Variants in PLCE1 observed in about 807,000 individuals in gnomAD.
PLCE1 encodes the protein 1-phosphatidylinositol 4,5-bisphosphate phosphodiesterase epsilon-1.
PLCE1 carries 119 observed loss-of-function variants against 242.8 expected under a neutral mutation model. That is an observed-to-expected ratio of 0.49 (90% CI 0.42 to 0.57). The LOEUF (loss-of-function observed/expected upper bound fraction) is 0.57. Among genes scored for constraint, PLCE1 ranks in the 20% least tolerant of loss-of-function variants. PLCE1 has a pLI of 0.00. For missense variants in PLCE1, 2,441 were observed against 2,788.8 expected (o/e 0.88, Z 2.81); for synonymous variants, 945 against 1,017.4 (o/e 0.93, Z 1.35).
At chr10:94,098,575 G>A (rs910888456) in intron 2 of PLCE1, among the ~76,000 whole-genome samples, 1 of 152,098 alleles carries the variant, frequency 6.6e-6, no homozygotes, top group Non-Finnish European at 1.5e-5. Context: ...TTAATATTTG[G>A]TTTTTGGAAC....
At chr10:94,043,515 A>G (rs1196389580) in intron 2 of PLCE1, among the ~76,000 whole-genome samples, 4 of 152,154 alleles carry the variant, frequency 2.6e-5, no homozygotes, top group African/African-American at 7.2e-5. Context: ...GTGACACTTT[A>G]ATAGTGAGTG....
At chr10:94,098,911 A>G (rs2045414061) in intron 2 of PLCE1, among the ~76,000 whole-genome samples, 1 of 152,192 alleles carries the variant, frequency 6.6e-6, no homozygotes, top group Non-Finnish European at 1.5e-5. Flanking sequence ...AGGCTGTGCA[A>G]GGGCAGCAAG....
intron 2 of PLCE1, among the ~76,000 whole-genome samples, chr10:94,075,999 G>A (rs573796835): frequency 6.6e-6 from 1 of 152,176 alleles, no homozygotes; most frequent in East Asian, 1.9e-4. Flanking sequence ...TACTTTACAG[G>A]AGAGGAAATG....
rs191843521 is a variant in PLCE1, at chr10:94,084,587, A to G, written c.1207-47587A>G. Among the ~76,000 whole-genome samples the G allele has an allele frequency of 1.5e-3, 227 of 152,370 alleles. 1 individual carries two copies. Among genetic ancestry groups the G allele is most frequent in the Non-Finnish European group, 2.8e-3 (190 of 68,038 alleles). On this transcript the variant is annotated intron_variant, in intron 2 of 32. Transcript: ENST00000371380. ...CTCAGGGCCCTTGTAAGTCTGGGCC[A>G]TTGGAAAGATGTCTCCGCATCTTTC...
At chr10:94,077,168 C>T (rs2044528805) in intron 2 of PLCE1, among the ~76,000 whole-genome samples, 1 of 152,182 alleles carries the variant, frequency 6.6e-6, no homozygotes, top group South Asian at 2.1e-4. Context: ...GTGATTCGCT[C>T]TGGTGTTTCC....
intron 3 of PLCE1, among the ~76,000 whole-genome samples, chr10:94,157,012 G>T (rs560504044): frequency 2.6e-5 from 4 of 152,002 alleles, no homozygotes; most frequent in East Asian, 3.8e-4. Context: ...GTGTTTTTTG[G>T]GGGGCGAGGT....
rs17109877 is a variant in PLCE1, at chr10:94,268,347, C to G, written c.4282-582C>G. The stretch of plus-strand genomic sequence containing the variant: ...ATTTATGGATTATTTGCCATCCCTG[C>G]TCTAGTTGCTATTCTGGAATTAGAT... On this transcript the variant is annotated intron_variant, in intron 16 of 32. Transcript: ENST00000371380. Among the ~76,000 whole-genome samples the G allele has an allele frequency of 6.9e-3, 1,046 of 152,326 alleles. 21 individuals carry two copies. The highest frequency in any genetic ancestry group is 0.043 in the Admixed American group (653 of 15,304).
At chr10:94,223,649 G>A (rs199894024) in intron 4 of PLCE1, among the ~76,000 whole-genome samples, 1 of 152,244 alleles carries the variant, frequency 6.6e-6, no homozygotes, top group East Asian at 1.9e-4. Context: ...CATGGTCCAG[G>A]GGGTTATGAT....
chr10:94,089,125 G>T, intron 2 of PLCE1: 1 of 1,614,012 alleles, frequency 6.2e-7, no homozygotes, highest in Non-Finnish European at 8.5e-7. Context: ...AGCAGGAAGA[G>T]ACTTTGCAGG....
chr10:94,137,783 T>G (rs2046831967), intron 3 of PLCE1: 1 of 195,352 alleles, frequency 5.1e-6, no homozygotes, highest in Non-Finnish European at 1.0e-5. Flanking sequence ...GAGGAAAGTC[T>G]GTTACTACCA....
At position 94,088,926 on chromosome 10, in the gene PLCE1, T is replaced by G. The variant is rs568993327; in HGVS notation, c.1207-43248T>G. 1.8e-4 allele frequency: 100 copies of G among 553,028 alleles called. 1 individual carries two copies. Among genetic ancestry groups the G allele is most frequent in the Non-Finnish European group, 2.6e-4 (87 of 337,948 alleles). 34.3% of individuals were successfully genotyped at this position (553,028 alleles called of 1,614,324 possible). On this transcript the variant is annotated intron_variant, in intron 2 of 32. Transcript: ENST00000371380. ...ATTTTTTTGTAATGTAGAAAAGTTA[T>G]GTTTCACAGAGGTTTTTGCAATGCC...
chr10:94,078,775 G>A (rs571938078), intron 2 of PLCE1, among the ~76,000 whole-genome samples: 2 of 152,308 alleles, frequency 1.3e-5, no homozygotes, highest in African/African-American at 2.4e-5. Context: ...GAGCCACCAT[G>A]TGTGGCCTGC....
chr10:94,066,059 A>G (rs572460723), intron 2 of PLCE1, among the ~76,000 whole-genome samples: 57 of 152,258 alleles, frequency 3.7e-4, no homozygotes, highest in African/African-American at 1.3e-3. Context: ...TCTATAAAAC[A>G]ATCTATACTC....
In PLCE1 at chr10:94,242,929, G is replaced by A. The variant is rs191857638; in HGVS notation, c.2421-3017G>A. ...TGTAAATGATAAATAAACAAATGGG[G>A]GAGAAGAGATCCATCTTTTGTGCAA... is the stretch of plus-strand genomic sequence containing the variant. On this transcript the variant is annotated intron_variant, in intron 7 of 32. Transcript: ENST00000371380. Among the ~76,000 whole-genome samples the A allele has an allele frequency of 3.3e-5, 5 of 152,286 alleles. No homozygotes were observed. In the East Asian group the frequency reaches 7.7e-4, roughly 23 times the overall value.
At chr10:94,259,187 A>G (rs1415716428) in intron 13 of PLCE1, 37 bp downstream of exon 13, 6 of 1,610,066 alleles carry the variant, frequency 3.7e-6, no homozygotes, top group East Asian at 4.5e-5. Context: ...TTTGGGATCA[A>G]TCTGTCTAAA....
At chr10:94,273,429 C>T (rs1299312307) in intron 18 of PLCE1, 133 bp from the exon 19 acceptor site, 1 of 879,910 alleles carries the variant, frequency 1.1e-6, no homozygotes, top group Non-Finnish European at 1.8e-6. Flanking sequence ...CAGCTTCTTT[C>T]CTAGTTCCTC....
At chr10:94,042,454 G>A (rs1003687352) in intron 2 of PLCE1, among the ~76,000 whole-genome samples, 1 of 152,152 alleles carries the variant, frequency 6.6e-6, no homozygotes, top group African/African-American at 2.4e-5. Context: ...TTGAACCCAG[G>A]TCTGGCTACC....
At chr10:94,241,980 A>G (rs1050307181) in intron 7 of PLCE1, among the ~76,000 whole-genome samples, 3 of 152,148 alleles carry the variant, frequency 2.0e-5, no homozygotes, top group African/African-American at 7.2e-5. Context: ...CCATTATTCT[A>G]TGAGATGAGC....
At chr10:94,192,814 T>C (rs1363021919) in intron 4 of PLCE1, among the ~76,000 whole-genome samples, 1 of 152,184 alleles carries the variant, frequency 6.6e-6, no homozygotes, top group Non-Finnish European at 1.5e-5. Flanking sequence ...AGTGTTCCCT[T>C]TTCTCCATAG....
Sources: gnomAD v4.1 joint callset for allele counts (sites outside exome capture counted in the v4.1 genomes callset) on GRCh38, gnomAD v4.1.1 for gene constraint, MANE v1.5 for transcripts, NCBI Gene and HGNC (gene_info 2026-07-23, HGNC 2026-07-21) for gene names.